Variants in DLGAP1 observed in about 807,000 individuals in gnomAD.
DLGAP1 encodes the protein DLG associated protein 1, also known as disks large-associated protein 1.
DLGAP1 carries 11 observed loss-of-function variants against 90.8 expected under a neutral mutation model. The ratio of observed to expected loss-of-function variants is 0.12; its 90% CI spans 0.08 to 0.20. The LOEUF (loss-of-function observed/expected upper bound fraction) is 0.20, where lower values mean the gene tolerates loss of function less well. DLGAP1 is among the 10% of genes least tolerant of loss of function. DLGAP1 has a pLI of 1.00. For synonymous variants in DLGAP1, 558 were observed against 540.7 expected (o/e 1.03, Z -0.44); for missense variants, 1,050 against 1,333.8 (o/e 0.79, Z 3.31).
At chr18:3,768,767 G>GCAAACT (rs1490782490) in intron 5 of DLGAP1, among the ~76,000 whole-genome samples, 4 of 152,084 alleles carry the variant, frequency 2.6e-5, no homozygotes, top group Non-Finnish European at 4.4e-5. Flanking sequence ...CCCACCTTAC[G>GCAAACT]CAAACTCAAA....
intron 2 of DLGAP1, among the ~76,000 whole-genome samples, chr18:4,118,754 A>G (rs1318356375): frequency 6.6e-6 from 1 of 152,150 alleles, no homozygotes; most frequent in Non-Finnish European, 1.5e-5. Context: ...GTGGAAGGTA[A>G]GGGTCATGAC....
intron 6 of DLGAP1, among the ~76,000 whole-genome samples, chr18:3,731,074 T>A (rs996314929): frequency 6.6e-6 from 1 of 152,168 alleles, no homozygotes; most frequent in East Asian, 1.9e-4. Context: ...TTGTATTACA[T>A]GTGTGACTCT....
intron 7 of DLGAP1, among the ~76,000 whole-genome samples, chr18:3,602,484 A>G (rs950108072): frequency 2.5e-4 from 37 of 149,928 alleles, no homozygotes; most frequent in Non-Finnish European, 3.8e-4. Context: ...AGTCCCAGCT[A>G]CTCGGGAGGC....
chr18:3,742,741 T>C (rs1295368976), intron 5 of DLGAP1, among the ~76,000 whole-genome samples: 4 of 152,196 alleles, frequency 2.6e-5, no homozygotes, highest in African/African-American at 7.2e-5. Flanking sequence ...TCTTCAACCA[T>C]GAACTAATTG....
At chr18:4,273,075 G>A (rs117892488) in intron 1 of DLGAP1, among the ~76,000 whole-genome samples, 2,009 of 152,052 alleles carry the variant, frequency 0.013, 20 homozygotes, top group Middle Eastern at 0.031. Flanking sequence ...CTAGCCTCTA[G>A]AACTGTAAGA....
At chr18:3,831,477 G>C (rs866843329) in intron 4 of DLGAP1, among the ~76,000 whole-genome samples, 1 of 152,170 alleles carries the variant, frequency 6.6e-6, no homozygotes, top group Non-Finnish European at 1.5e-5. Context: ...TTCTCTTAAA[G>C]AGTTTCCATC....
intron 1 of DLGAP1, among the ~76,000 whole-genome samples, chr18:4,287,097 G>C (rs1038810923): frequency 6.6e-6 from 1 of 152,158 alleles, no homozygotes; most frequent in African/African-American, 2.4e-5. Flanking sequence ...TAGTAGATCT[G>C]ATCACAGCTG....
At chr18:3,606,077 A>T (rs776435356) in intron 7 of DLGAP1, among the ~76,000 whole-genome samples, 34 of 152,218 alleles carry the variant, frequency 2.2e-4, no homozygotes, top group Non-Finnish European at 4.1e-4. Flanking sequence ...TTTCATTTTT[A>T]AAATGAAAGT....
intron 11 of DLGAP1, among the ~76,000 whole-genome samples, chr18:3,507,321 T>TAAAACAAAAC (rs71366673): frequency 0.02 from 3,030 of 148,268 alleles, 38 homozygotes; most frequent in Middle Eastern, 0.059. Context: ...CCGTCTCTAC[T>TAAAACAAAAC]AAAACAAAAC....
intron 7 of DLGAP1, among the ~76,000 whole-genome samples, chr18:3,692,508 G>A (rs1019640356): frequency 1.3e-5 from 2 of 152,170 alleles, no homozygotes; most frequent in Non-Finnish European, 2.9e-5. Context: ...CAGCAGGATG[G>A]GGAGGCATAA....
chr18:3,969,806 C>T (rs2073406582), intron 3 of DLGAP1, among the ~76,000 whole-genome samples: 1 of 152,126 alleles, frequency 6.6e-6, no homozygotes, highest in Admixed American at 6.5e-5. Flanking sequence ...GAGGCTCTAG[C>T]CAGCGATGAT....
chr18:4,082,537 A>AAAAAAAAAAAAAAAAAG (rs1555736292), intron 2 of DLGAP1, among the ~76,000 whole-genome samples: 1 of 143,392 alleles, frequency 7.0e-6, no homozygotes, highest in Non-Finnish European at 1.5e-5. Flanking sequence ...AAAAAAAAGA[A>AAAAAAAAAAAAAAAAAG]GGGTGTATAA....
At chr18:4,440,120 CA>C (rs35152199) in intron 1 of DLGAP1, among the ~76,000 whole-genome samples, 12,860 of 49,012 alleles carry the variant, frequency 0.26, 247 homozygotes, top group South Asian at 0.29. Context: ...ACTCCGTCAC[CA>C]AAAAAAAAAA....
At chr18:4,242,160 T>C (rs1040574423) in intron 1 of DLGAP1, among the ~76,000 whole-genome samples, 1 of 152,172 alleles carries the variant, frequency 6.6e-6, no homozygotes, top group Non-Finnish European at 1.5e-5. Flanking sequence ...GTAGAATGTG[T>C]CTTTTCATTA....
intron 1 of DLGAP1, among the ~76,000 whole-genome samples, chr18:4,311,809 G>C (rs377668292): frequency 6.6e-6 from 1 of 152,200 alleles, no homozygotes; most frequent in South Asian, 2.1e-4. Context: ...TCCACCTCCC[G>C]GGTTCAAGCA....
At chr18:3,680,208 G>A (rs985506066) in intron 7 of DLGAP1, 4 of 152,282 alleles carry the variant, frequency 2.6e-5, no homozygotes, top group African/African-American at 9.7e-5. Context: ...TGTTATGGTT[G>A]GGACCTCAGA....
rs149540521 is a variant in DLGAP1, at chr18:4,229,756, T to C, written c.-266-78469A>G. 9.7e-4 allele frequency among the ~76,000 whole-genome samples: 148 copies of C among 151,822 alleles called. 3 individuals carry two copies. In the South Asian group the frequency reaches 0.015, roughly 16 times the overall value. ...TGGGGAAGCTCAATTTGAGTTAATA[T>C]ACCAAAAGCACAGGCAACCAAAGCC... is the stretch of plus-strand genomic sequence containing the variant. On this transcript the variant is annotated intron_variant, in intron 1 of 12. Transcript: ENST00000315677.
intron 1 of DLGAP1, among the ~76,000 whole-genome samples, chr18:4,183,946 A>C (rs1273492973): frequency 6.6e-6 from 1 of 152,176 alleles, no homozygotes; most frequent in African/African-American, 2.4e-5. Flanking sequence ...CTTGTTGCAG[A>C]GAGTGATGGT....
chr18:4,136,607 T>C (rs2076405499), intron 2 of DLGAP1, among the ~76,000 whole-genome samples: 2 of 152,214 alleles, frequency 1.3e-5, no homozygotes, highest in South Asian at 4.1e-4. Flanking sequence ...TTCCTATAGA[T>C]TTGCTTGAGC....
Sources: allele counts gnomAD v4.1 joint callset (sites outside exome capture counted in the v4.1 genomes callset), GRCh38; gene constraint gnomAD v4.1.1; transcripts MANE v1.5; gene names NCBI Gene and HGNC (gene_info 2026-07-23, HGNC 2026-07-21).